ABCG1: variants seen among roughly 807,000 people sequenced by gnomAD.
ABCG1 encodes the protein ATP binding cassette subfamily G member 1, also known as ATP-binding cassette sub-family G member 1.
A neutral mutation model predicts 69.2 loss-of-function variants in ABCG1; 29 were observed. The observed-to-expected ratio is 0.42, with a 90% CI of 0.31 to 0.57. The LOEUF is 0.57. Ranked by LOEUF, ABCG1 falls within the 20% of genes least tolerant of loss-of-function variation. ABCG1 has a pLI of 0.15. For missense variants in ABCG1, 718 were observed against 898.1 expected, an observed-to-expected ratio of 0.80 and a Z score of 2.56; for synonymous variants, 370 against 374.8, an observed-to-expected ratio of 0.99 and a Z score of 0.15.
At chr21:42,282,751 G>A (rs918768344) in intron 6 of ABCG1, among the ~76,000 whole-genome samples, 1 of 152,230 alleles carries the variant, frequency 6.6e-6, no homozygotes, top group African/African-American at 2.4e-5. Context: ...GACGACCTGG[G>A]AAACGGTGTG....
At position 42,296,378 on chromosome 21, in the gene ABCG1, CG is replaced by C; in HGVS notation, c.1990del (p.Ala664GlnfsTer77). The C allele has an allele frequency of 6.2e-7, 1 of 1,613,600 alleles. No individual in the cohort carries two copies. The highest frequency in any genetic ancestry group is 8.5e-7 in the Non-Finnish European group (1 of 1,179,868). ...CTATTTTGTCCTCAGGTACAAAATC[CG>C]GGCAGAGAGGTAAAACACCTGAATG... ...IAYFVLRYKI[R>X]AER On this transcript the variant is annotated frameshift_variant, in exon 15 of 15. Transcript: ENST00000398449. LOFTEE classifies it high-confidence loss of function. This position sits in a 1 kb window ranked among gnomAD's most constrained non-coding sequence, Gnocchi z 5.4.
At chr21:42,290,024 T>G (rs1601455053) in intron 10 of ABCG1, 26 bp from the exon 11 acceptor site, 1 of 1,614,218 alleles carries the variant, frequency 6.2e-7, no homozygotes, top group African/African-American at 1.3e-5. Context: ...GCGAACGCAC[T>G]GGGTAAGATG....
chr21:42,219,818 C>G lies in ABCG1; in HGVS notation c.42+514C>G. ...AAAGAGGAAGCTGCCCCCAGAGAGCCGGAGCCTGCGACTGCACTCCCGGGG... is the reference window on the plus strand; with the variant it reads ...AAAGAGGAAGCTGCCCCCAGAGAGCGGGAGCCTGCGACTGCACTCCCGGGG... On this transcript the variant is annotated intron_variant, in intron 1 of 14. Transcript: ENST00000398449. This position sits in a 1 kb window ranked among gnomAD's most constrained non-coding sequence, Gnocchi z 5.3. 1 of 1,452,674 alleles carries G rather than the reference C, an allele frequency of 6.9e-7. No individual in the cohort carries two copies. 90.0% of individuals were successfully genotyped at this position (1,452,674 alleles called of 1,614,324 possible). A position where few individuals can be genotyped will look rare whatever the true frequency, so the allele number is the denominator to read the frequency against.
At chr21:42,260,454 G>A (rs2068389217) in intron 2 of ABCG1, among the ~76,000 whole-genome samples, 1 of 152,144 alleles carries the variant, frequency 6.6e-6, no homozygotes. Flanking sequence ...GGGTTCTTTT[G>A]AAGTTGAAAA....
chr21:42,253,061 T>C (rs1435343612), intron 2 of ABCG1, among the ~76,000 whole-genome samples: 1 of 152,126 alleles, frequency 6.6e-6, no homozygotes, highest in Non-Finnish European at 1.5e-5. Context: ...GGGAGGGTCA[T>C]GGTCAGAGCT....
At chr21:42,246,903 T>C (rs1285614626) in intron 2 of ABCG1, among the ~76,000 whole-genome samples, 2 of 152,200 alleles carry the variant, frequency 1.3e-5, no homozygotes, top group African/African-American at 2.4e-5. Flanking sequence ...GCAACCAGAC[T>C]GGGATAAGTT....
chr21:42,220,845 G>T (rs527915340), intron 1 of ABCG1, among the ~76,000 whole-genome samples: 3 of 152,224 alleles, frequency 2.0e-5, no homozygotes, highest in Admixed American at 6.5e-5. Context: ...TTAGTTGCAG[G>T]TAGAGAAAGT....
rs3842456 is a variant in ABCG1 at position 42,253,801 on chromosome 21, G to GGAGGTCGT, written c.287-17267_287-17260dup. ...TATTGTTGGGATTATAGGGAAGTGA[G>GGAGGTCGT]GAGGTCGTGTGTGCCTCCTTGGGGT... On this transcript the variant is annotated intron_variant, in intron 2 of 14. Coordinates refer to ENST00000398449, the MANE Select transcript of ABCG1 (RefSeq NM_016818.3). 2.0e-3 allele frequency among the ~76,000 whole-genome samples: 303 copies of GGAGGTCGT among 152,286 alleles called. 3 individuals are homozygous for GGAGGTCGT. The East Asian group carries it at 0.029, about 14-fold the overall frequency.
At chr21:42,266,408 T>TATAGTGAAGTA (rs1158637369) in intron 2 of ABCG1, among the ~76,000 whole-genome samples, 1 of 152,214 alleles carries the variant, frequency 6.6e-6, no homozygotes, top group Non-Finnish European at 1.5e-5. Flanking sequence ...CTTCCACTGC[T>TATAGTGAAGTA]CCTTTTATAG....
At chr21:42,208,982 G>C (rs1433446460) in intron 2 of ABCG1, among the ~76,000 whole-genome samples, 2 of 152,160 alleles carry the variant, frequency 1.3e-5, no homozygotes, top group African/African-American at 4.8e-5. Flanking sequence ...TGGGGTTCTG[G>C]GGGAGGGAGG....
In ABCG1 at chr21:42,282,540, G is replaced by A. The variant is rs537757345; in HGVS notation, c.734+121G>A. ...CAGAGGGGGTGAGTTGAGCTCACCCGGCGGTTCCTCCTTCCATCTGGGACC... is the reference window on the plus strand; with the variant it reads ...CAGAGGGGGTGAGTTGAGCTCACCCAGCGGTTCCTCCTTCCATCTGGGACC... On this transcript the variant is annotated intron_variant, in intron 6 of 14. Transcript: ENST00000398449. 1,156 of 1,201,660 alleles carry A rather than the reference G, an allele frequency of 9.6e-4. 6 individuals carry two copies. Among genetic ancestry groups the A allele is most frequent in the Middle Eastern group, 5.0e-3 (19 of 3,774 alleles). 74.4% of individuals were successfully genotyped at this position (1,201,660 alleles called of 1,614,324 possible).
intron 2 of ABCG1, among the ~76,000 whole-genome samples, chr21:42,243,962 G>T (rs545525847): frequency 1.3e-5 from 2 of 151,896 alleles, no homozygotes; most frequent in South Asian, 4.2e-4. Flanking sequence ...GGGACTACAG[G>T]CGCCCGCCAC....
chr21:42,203,808 C>T (rs1311226272), intron 2 of ABCG1, among the ~76,000 whole-genome samples: 1 of 152,216 alleles, frequency 6.6e-6, no homozygotes, highest in Non-Finnish European at 1.5e-5. Flanking sequence ...ATTTTAATAG[C>T]AATTGCATTA....
Position 42,271,125 on chromosome 21 carries a change from G to C in ABCG1, c.342G>C (p.Val114=), listed in dbSNP as rs1166527418. 4 of 1,584,484 alleles carry C rather than the reference G, an allele frequency of 2.5e-6. No homozygotes were observed. The highest frequency in any genetic ancestry group is 3.4e-6 in the Non-Finnish European group (4 of 1,167,732). ...ISGKFNSGEL[V]AIMGPSGAGK... ...GGAAGTTCAATAGTGGTGAGTTGGT[G>C]GCCATTATGGGTCCTTCCGGGGCCG... Residue 114 remains valine (V), a synonymous_variant, in exon 3 of 15, where the codon GTG becomes GTC. Coordinates refer to ENST00000398449, the MANE Select transcript of ABCG1 (RefSeq NM_016818.3).
intron 10 of ABCG1, among the ~76,000 whole-genome samples, chr21:42,289,496 G>T (rs2069012445): frequency 6.6e-6 from 1 of 152,154 alleles, no homozygotes; most frequent in Admixed American, 6.5e-5. Context: ...CATGAGGATT[G>T]GGACGGGGGG....
At chr21:42,251,238 T>C (rs915342905) in intron 2 of ABCG1, among the ~76,000 whole-genome samples, 3 of 152,104 alleles carry the variant, frequency 2.0e-5, no homozygotes, top group African/African-American at 7.2e-5. Flanking sequence ...GGAAGGAGGT[T>C]TGCTTTAGGT....
intron 1 of ABCG1, among the ~76,000 whole-genome samples, chr21:42,200,909 G>A (rs976574434): frequency 6.6e-6 from 1 of 151,998 alleles, no homozygotes; most frequent in Admixed American, 6.6e-5. Flanking sequence ...TTTGTATTTT[G>A]TTTTATTCTT....
chr21:42,279,711 C>T (rs116056192), intron 5 of ABCG1, among the ~76,000 whole-genome samples: 1,920 of 152,340 alleles, frequency 0.013, 46 homozygotes, highest in African/African-American at 0.044. Context: ...GTGAAAGTCG[C>T]TCTCCCCATG....
intron 2 of ABCG1, among the ~76,000 whole-genome samples, chr21:42,269,593 G>A (rs1169173960): frequency 6.6e-6 from 1 of 152,176 alleles, no homozygotes; most frequent in East Asian, 1.9e-4. Context: ...TCCCTGGGGC[G>A]ACAACCGCCC....
Sources: allele counts gnomAD v4.1 joint callset (sites outside exome capture counted in the v4.1 genomes callset), GRCh38; gene constraint gnomAD v4.1.1; non-coding constraint Gnocchi (gnomAD v3.1); transcripts MANE v1.5; gene names NCBI Gene and HGNC (gene_info 2026-07-23, HGNC 2026-07-21).